CCDC33: variants seen among roughly 807,000 people sequenced by gnomAD.
The protein encoded by CCDC33 is coiled-coil domain containing 33.
Under a neutral mutation model 91.9 loss-of-function variants are expected in CCDC33, and 94 were observed. The observed-to-expected ratio is 1.02, with a 90% confidence interval of 0.87 to 1.21. CCDC33 has a LOEUF of 1.21. Among genes scored for constraint, CCDC33 ranks in the 50% most tolerant of loss-of-function variants. The pLI, the probability that CCDC33 is intolerant of heterozygous loss-of-function variation, is 0.00. For synonymous variants in CCDC33, 396 were observed against 374.5 expected (o/e 1.06, Z -0.66); for missense variants, 940 against 935.5 (o/e 1.00, Z -0.06).
At chr15:74,302,381 AG>A (rs2059812250) in intron 11 of CCDC33, 1 of 152,254 alleles carries the variant, frequency 6.6e-6, no homozygotes, top group South Asian at 2.1e-4. Context: ...CAGAAAGGCA[AG>A]CCTCCCAGCA....
At position 74,318,743 on chromosome 15, in the gene CCDC33, C is replaced by T; in HGVS notation, c.1291-11446C>T. ...TGTGTTGGGGTGTGTTGCCCAGCAACCAGTAGAGGTGTTCCCAGAGCCTCT... is the reference window on the plus strand; with the variant it reads ...TGTGTTGGGGTGTGTTGCCCAGCAATCAGTAGAGGTGTTCCCAGAGCCTCT... On this transcript the variant is annotated intron_variant, in intron 11 of 18. Coordinates refer to ENST00000398814, the MANE Select transcript of CCDC33 (RefSeq NM_025055.5). 4 of 693,094 alleles carry T rather than the reference C, an allele frequency of 5.8e-6. No homozygotes were observed. In the South Asian group the frequency reaches 6.4e-5, roughly 11 times the overall value. 42.9% of individuals were successfully genotyped at this position (693,094 alleles called of 1,614,324 possible). A position where few individuals can be genotyped will look rare whatever the true frequency, so the allele number is the denominator to read the frequency against.
intron 10 of CCDC33, among the ~76,000 whole-genome samples, chr15:74,287,006 G>A (rs2059488269): frequency 6.6e-6 from 1 of 152,246 alleles, no homozygotes; most frequent in Non-Finnish European, 1.5e-5. Flanking sequence ...CCAGCCCAGA[G>A]TGAGGACAAG....
chr15:74,268,198 A>G (rs898853803), intron 4 of CCDC33, 144 bp from the exon 5 acceptor site: 5 of 658,674 alleles, frequency 7.6e-6, no homozygotes, highest in African/African-American at 5.3e-5. Flanking sequence ...AAGGGCTCAC[A>G]GGGACCATGA....
chr15:74,255,974 G>T (rs1210331458), intron 2 of CCDC33, among the ~76,000 whole-genome samples: 1 of 152,252 alleles, frequency 6.6e-6, no homozygotes, highest in Non-Finnish European at 1.5e-5. Flanking sequence ...TTTTCCAGTG[G>T]TCTGTCCCTT....
chr15:74,318,092 G>A (rs1341530418), intron 11 of CCDC33, among the ~76,000 whole-genome samples: 1 of 149,708 alleles, frequency 6.7e-6, no homozygotes, highest in Non-Finnish European at 1.5e-5. Flanking sequence ...GCTGCGGGGT[G>A]GGGAGGACTC....
At chr15:74,225,401 T>C (rs2142172067) in intron 2 of CCDC33, among the ~76,000 whole-genome samples, 1 of 151,670 alleles carries the variant, frequency 6.6e-6, no homozygotes, top group African/African-American at 2.4e-5. Flanking sequence ...CCCCAACTCC[T>C]GAACACCCTC....
At chr15:74,315,427 G>C (rs1167293218) in intron 11 of CCDC33, among the ~76,000 whole-genome samples, 1 of 152,210 alleles carries the variant, frequency 6.6e-6, no homozygotes, top group Non-Finnish European at 1.5e-5. Context: ...TCTGGAACCA[G>C]CTCACCCACT....
intron 10 of CCDC33, among the ~76,000 whole-genome samples, chr15:74,291,964 T>C (rs1402801885): frequency 6.6e-6 from 1 of 152,226 alleles, no homozygotes; most frequent in African/African-American, 2.4e-5. Flanking sequence ...AGCAGTGAGC[T>C]GAATGCTGGG....
chr15:74,268,702 A>T (rs2076237758), intron 5 of CCDC33, among the ~76,000 whole-genome samples: 1 of 152,174 alleles, frequency 6.6e-6, no homozygotes, highest in East Asian at 1.9e-4. Flanking sequence ...TCTGTCTTGG[A>T]GGTGGCGGGG....
rs527262622 is a variant in CCDC33, at chr15:74,273,034, G to A, written c.759+143G>A. 1.4e-4 allele frequency: 162 copies of A among 1,161,594 alleles called. 1 individual carries two copies. The South Asian group carries it at 2.1e-3, about 15-fold the overall frequency. 72.0% of individuals were successfully genotyped at this position (1,161,594 alleles called of 1,614,324 possible). A position where few individuals can be genotyped will look rare whatever the true frequency, so the allele number is the denominator to read the frequency against. ...CCACGGCATACCCAGTGCTGTGCTCGCCTGTGCGGCAGAGAAACTGCCCTC... is the reference window on the plus strand; with the variant it reads ...CCACGGCATACCCAGTGCTGTGCTCACCTGTGCGGCAGAGAAACTGCCCTC... On this transcript the variant is annotated intron_variant, in intron 7 of 18. Transcript: ENST00000398814.
At chr15:74,299,971 C>CCCAGCT (rs1376221636) in intron 11 of CCDC33, 2 of 152,342 alleles carry the variant, frequency 1.3e-5, no homozygotes, top group Non-Finnish European at 2.9e-5. Context: ...AGCCCCCAGC[C>CCCAGCT]CCAGCTCCTA....
chr15:74,210,558 T>G (rs1440142229), intron 2 of CCDC33, among the ~76,000 whole-genome samples: 1 of 152,228 alleles, frequency 6.6e-6, no homozygotes, highest in Non-Finnish European at 1.5e-5. Flanking sequence ...GTGGTCACAC[T>G]TGGGGGAGGG....
Position 74,331,193 on chromosome 15 carries a change from T to C in CCDC33, c.1678-10T>C, listed in dbSNP as rs1567042198. On this transcript the variant is annotated splice_polypyrimidine_tract_variant and intron_variant, in intron 14 of 18. Coordinates refer to ENST00000398814, the MANE Select transcript of CCDC33 (RefSeq NM_025055.5). ...CCCTGGGCCAGCCCAGCCTCTGCTC[T>C]GCTCTCCAGGTGATCGAGAAGATGG... is the stretch of plus-strand genomic sequence containing the variant. The C allele has an allele frequency of 5.0e-6, 8 of 1,614,162 alleles. No individual in the cohort carries two copies. The highest frequency in any genetic ancestry group is 5.9e-6 in the Non-Finnish European group (7 of 1,179,992).
intron 11 of CCDC33, among the ~76,000 whole-genome samples, chr15:74,311,108 C>A (rs2059985997): frequency 6.6e-6 from 1 of 152,062 alleles, no homozygotes; most frequent in African/African-American, 2.4e-5. Flanking sequence ...GTGGTCTCAC[C>A]CCACCTCTGC....
intron 12 of CCDC33, 50 bp from the exon 13 acceptor site, chr15:74,330,613 G>C (rs1217313728): frequency 6.9e-7 from 1 of 1,442,548 alleles, no homozygotes; most frequent in Non-Finnish European, 9.7e-7. Flanking sequence ...ATGCTGATTT[G>C]AGCTGGGAGA....
chr15:74,284,021 C>G (rs1333475030), intron 10 of CCDC33, among the ~76,000 whole-genome samples: 1 of 152,232 alleles, frequency 6.6e-6, no homozygotes, highest in East Asian at 1.9e-4. Flanking sequence ...TGTAGTGGAA[C>G]TATTTCTTGG....
chr15:74,215,274 A>G (rs1218986190), upstream of CCDC33, among the ~76,000 whole-genome samples: 2 of 152,246 alleles, frequency 1.3e-5, no homozygotes, highest in African/African-American at 2.4e-5. Context: ...GAAATAAGCC[A>G]TTTGTGAAAA....
Position 74,297,496 on chromosome 15 carries a change from C to G in CCDC33, c.1290+1548C>G, listed in dbSNP as rs564172936. 2.6e-5 allele frequency among the ~76,000 whole-genome samples: 4 copies of G among 152,180 alleles called. No homozygotes were observed. In the South Asian group the frequency reaches 8.3e-4, roughly 32 times the overall value. ...TCGCTTGAGCCCAGAAGTTTGAGAC[C>G]AGCCCTGGCAACATAATGAGATCCT... On this transcript the variant is annotated intron_variant, in intron 11 of 18. Coordinates refer to ENST00000398814, the MANE Select transcript of CCDC33 (RefSeq NM_025055.5).
intron 7 of CCDC33, among the ~76,000 whole-genome samples, chr15:74,273,465 C>T (rs2142444923): frequency 6.6e-6 from 1 of 152,304 alleles, no homozygotes; most frequent in East Asian, 1.9e-4. Flanking sequence ...TATATTTTAA[C>T]CCAGTAAAAA....
Sources: allele counts gnomAD v4.1 joint callset (sites outside exome capture counted in the v4.1 genomes callset), GRCh38; gene constraint gnomAD v4.1.1; transcripts MANE v1.5; gene names NCBI Gene and HGNC (gene_info 2026-07-23, HGNC 2026-07-21).